Variants in RAG1 observed in about 807,000 individuals in gnomAD.
RAG1 encodes V(D)J recombination-activating protein 1.
A neutral mutation model predicts 62.7 loss-of-function variants in RAG1; 35 were observed. The observed-to-expected ratio is 0.56, with a 90% CI of 0.43 to 0.74. RAG1 has a LOEUF of 0.74. RAG1 is among the 30% of genes least tolerant of loss of function. RAG1 has a pLI of 0.00. For missense variants in RAG1, 1,169 were observed against 1,278.6 expected (o/e 0.91, Z 1.31); for synonymous variants, 461 against 470.3 (o/e 0.98, Z 0.26).
At chr11:36,520,062 C>T (rs1860054928) in intron 1 of RAG1, 1 of 152,044 alleles carries the variant, frequency 6.6e-6, no homozygotes, top group African/African-American at 2.4e-5. Context: ...AAGAGCTTAC[C>T]CACCAGGGCT....
chr11:36,558,819 G>T (rs961892729), intron 3 of RAG1, among the ~76,000 whole-genome samples: 1 of 152,004 alleles, frequency 6.6e-6, no homozygotes, highest in African/African-American at 2.4e-5. Context: ...TTGTTTTCTG[G>T]TTGTTTTGCA....
intron 3 of RAG1, among the ~76,000 whole-genome samples, chr11:36,542,047 C>T (rs1021626528): frequency 3.9e-5 from 6 of 152,104 alleles, no homozygotes; most frequent in Admixed American, 2.0e-4. Context: ...ATCAGACACC[C>T]GATCTTGCAA....
intron 3 of RAG1, among the ~76,000 whole-genome samples, chr11:36,541,122 G>A (rs1313028658): frequency 1.3e-5 from 2 of 152,198 alleles, no homozygotes; most frequent in African/African-American, 4.8e-5. Flanking sequence ...GAGGAGGAAG[G>A]GTGGTGCTGA....
Position 36,575,166 on chromosome 11 carries a change from AG to A in RAG1, c.1864del (p.Ala622GlnfsTer9), listed in dbSNP as rs1564989455. Reference protein sequence around the residue: ...KHGSGPVVPEKAVRFSFTIMK... With the variant: ...KHGSGPVVPEXAVRFSFTIMK... Reference sequence around the variant, plus strand: ...GGGAGTGGGCCTGTAGTTCCAGAAAAGGCAGTCCGTTTTTCATTCACAATCA... The same window carrying A: ...GGGAGTGGGCCTGTAGTTCCAGAAAAGCAGTCCGTTTTTCATTCACAATCA... On this transcript the variant is annotated frameshift_variant, in exon 2 of 2. Transcript: ENST00000299440. LOFTEE classifies it high-confidence loss of function. The surrounding 1 kb of genome is among the most constrained non-coding windows in gnomAD (Gnocchi z 4.1). 6.2e-7 allele frequency: 1 copy of A among 1,614,194 alleles called. No homozygotes were observed. Among genetic ancestry groups the A allele is most frequent in the Non-Finnish European group, 8.5e-7 (1 of 1,180,026 alleles).
At chr11:36,515,831 A>G (rs957481663) in intron 1 of RAG1, among the ~76,000 whole-genome samples, 2 of 152,174 alleles carry the variant, frequency 1.3e-5, no homozygotes, top group African/African-American at 2.4e-5. Context: ...TAGAAATCAC[A>G]TTGAAATCTA....
chr11:36,560,707 C>G (rs1232520806), intron 3 of RAG1, among the ~76,000 whole-genome samples: 1 of 152,082 alleles, frequency 6.6e-6, no homozygotes, highest in Admixed American at 6.5e-5. Flanking sequence ...CTGTGGGGGT[C>G]TTTTGTACCT....
intron 2 of RAG1, among the ~76,000 whole-genome samples, chr11:36,523,409 A>G (rs1451994878): frequency 6.6e-6 from 1 of 152,076 alleles, no homozygotes; most frequent in Non-Finnish European, 1.5e-5. Flanking sequence ...CTTGCTTTCC[A>G]CCATGATCAT....
At chr11:36,569,437 T>C (rs1044587938) in intron 1 of RAG1, among the ~76,000 whole-genome samples, 1 of 152,210 alleles carries the variant, frequency 6.6e-6, no homozygotes. Flanking sequence ...TGTCAAAATA[T>C]GAATCCAAGA....
intron 3 of RAG1, among the ~76,000 whole-genome samples, chr11:36,562,847 C>T (rs1273671570): frequency 1.3e-5 from 2 of 152,132 alleles, no homozygotes; most frequent in African/African-American, 4.8e-5. Flanking sequence ...TTTCCTGGTT[C>T]TCCAACTTGA....
upstream of RAG1, chr11:36,565,671 A>G (rs1850651798): frequency 6.6e-6 from 1 of 152,318 alleles, no homozygotes; most frequent in East Asian, 1.9e-4. Flanking sequence ...TTCATGATGC[A>G]AGTTAAGGTT....
At position 36,575,810 on chromosome 11, in the gene RAG1, C is replaced by A. The variant is rs757133059; in HGVS notation, c.2506C>A (p.Leu836Met). 8 of 1,614,234 alleles carry A rather than the reference C, an allele frequency of 5.0e-6. No homozygotes were observed. The South Asian group carries it at 7.7e-5, about 16-fold the overall frequency. The change falls in exon 2 of 2, where the codon CTG (leucine) becomes ATG (methionine). Residue 836 changes from leucine to methionine, a missense_variant. Around this residue, in one of 2 missense-constraint regions of RAG1, gnomAD observed 800 missense variants for 943.3 expected, o/e 0.85. Transcript: ENST00000299440. This position sits in a 1 kb window ranked among gnomAD's most constrained non-coding sequence, Gnocchi z 4.1. The part of the protein sequence containing the change: ...KEERKRWQAT[L>M]DKHLRKKMNL... The stretch of plus-strand genomic sequence containing the variant: ...GGAAAGGAAAAGGTGGCAGGCCACA[C>A]TGGACAAGCATCTCCGGAAGAAGAT...
At chr11:36,547,822 A>T (rs775338679) in intron 3 of RAG1, among the ~76,000 whole-genome samples, 7 of 152,172 alleles carry the variant, frequency 4.6e-5, no homozygotes, top group Non-Finnish European at 1.0e-4. Context: ...GACTCAACAA[A>T]AAAAGAAAAT....
At chr11:36,513,031 C>G (rs1363249659) in intron 1 of RAG1, among the ~76,000 whole-genome samples, 3 of 152,164 alleles carry the variant, frequency 2.0e-5, no homozygotes, top group Admixed American at 2.0e-4. Flanking sequence ...ATGAATGGAT[C>G]AATGCCATTA....
In RAG1 at chr11:36,576,794, G is replaced by T. The variant is rs1194560793; in HGVS notation, c.*358G>T. ...AAGAACAGCCAGTGAGGCCAGGAAA[G>T]AAATTGGTCTTGTGGTTTTCATTTT... On this transcript the variant is annotated 3_prime_UTR_variant, in exon 2 of 2. Coordinates refer to ENST00000299440, the MANE Select transcript of RAG1 (RefSeq NM_000448.3). 7.5e-6 allele frequency: 2 copies of T among 266,854 alleles called. No individual in the cohort carries two copies. Among genetic ancestry groups the T allele is most frequent in the African/African-American group, 4.4e-5 (2 of 45,466 alleles). 16.5% of individuals were successfully genotyped at this position (266,854 alleles called of 1,614,324 possible).
rs773272902 is a variant in RAG1, at chr11:36,574,427, C to G, written c.1123C>G (p.His375Asp). 5.6e-6 allele frequency: 9 copies of G among 1,614,062 alleles called. No individual in the cohort carries two copies. The highest frequency in any genetic ancestry group is 3.3e-5 in the Admixed American group (2 of 60,004). ...EEVSLEKYNHHISSHKESKEI... is the reference protein window; with the variant it reads ...EEVSLEKYNHDISSHKESKEI... ...GGTCAGTTTGGAAAAATATAATCACCACATCTCAAGTCACAAGGAATCAAA... is the reference window on the plus strand; with the variant it reads ...GGTCAGTTTGGAAAAATATAATCACGACATCTCAAGTCACAAGGAATCAAA... The change falls in exon 2 of 2, where the codon CAC becomes GAC. Residue 375 changes from histidine to aspartate, a missense_variant. His to Asp is a moderately conservative substitution (Grantham distance 81, BLOSUM62 -1). Around this residue, in one of 2 missense-constraint regions of RAG1, gnomAD observed 800 missense variants for 943.3 expected, o/e 0.85. Transcript: ENST00000299440.
At position 36,575,105 on chromosome 11, in the gene RAG1, T is replaced by C. The variant is rs145951370; in HGVS notation, c.1801T>C (p.Ser601Pro). 1 of 1,613,496 alleles carries C rather than the reference T, an allele frequency of 6.2e-7. No individual in the cohort carries two copies. Among genetic ancestry groups the C allele is most frequent in the Non-Finnish European group, 8.5e-7 (1 of 1,179,902 alleles). The change falls in exon 2 of 2, where the codon TCT (serine) becomes CCT (proline). Residue 601 changes from serine (S) to proline (P), a missense_variant. By Grantham distance (74) the Ser-to-Pro change is moderately conservative (BLOSUM62 -1). Transcript: ENST00000299440. The surrounding 1 kb of genome is among the most constrained non-coding windows in gnomAD (Gnocchi z 4.1). The stretch of plus-strand genomic sequence containing the variant: ...CCCCTTCACTGTGGTGGTGAAGGAG[T>C]CTTGTGATGGAATGGGAGACGTGAG... The part of the protein sequence containing the change: ...NGPFTVVVKE[S>P]CDGMGDVSEK...
At chr11:36,526,307 G>A (rs1860162078) in intron 2 of RAG1, among the ~76,000 whole-genome samples, 1 of 136,062 alleles carries the variant, frequency 7.3e-6, no homozygotes, top group African/African-American at 2.8e-5. Flanking sequence ...TTATCCAACT[G>A]CCAATTATGA....
At chr11:36,563,827 C>A (rs1236867158), upstream of RAG1, among the ~76,000 whole-genome samples, 1 of 152,054 alleles carries the variant, frequency 6.6e-6, no homozygotes, top group East Asian at 1.9e-4. Context: ...GGGCAGTTGC[C>A]TAGTTTGGCT....
intron 2 of RAG1, among the ~76,000 whole-genome samples, chr11:36,533,047 G>A (rs1356318225): frequency 6.6e-6 from 1 of 151,896 alleles, no homozygotes; most frequent in African/African-American, 2.4e-5. Flanking sequence ...TTTTTTTCAC[G>A]TGTAGTTCTC....
Sources: allele counts gnomAD v4.1 joint callset (sites outside exome capture counted in the v4.1 genomes callset), GRCh38; gene constraint gnomAD v4.1.1; regional missense constraint gnomAD v4.1.1; non-coding constraint Gnocchi (gnomAD v3.1); transcripts MANE v1.5; gene names NCBI Gene and HGNC (gene_info 2026-07-23, HGNC 2026-07-21).